The following DPP6 variants were observed in gnomAD, a reference collection of about 807,000 sequenced individuals.
The protein encoded by DPP6 is A-type potassium channel modulatory protein DPP6.
Under a neutral mutation model 122.6 loss-of-function variants are expected in DPP6, and 69 were observed. The ratio of observed to expected loss-of-function variants is 0.56; its 90% CI spans 0.46 to 0.69. The LOEUF (loss-of-function observed/expected upper bound fraction) is 0.69. DPP6 is among the 30% of genes least tolerant of loss of function. DPP6 has a pLI of 0.00. For synonymous variants in DPP6, 418 were observed against 433.1 expected (o/e 0.97, Z 0.43); for missense variants, 928 against 1,116.9 (o/e 0.83, Z 2.41).
intron 1 of DPP6, among the ~76,000 whole-genome samples, chr7:154,102,086 T>C (rs1200936005): frequency 2.6e-5 from 4 of 152,166 alleles, no homozygotes; most frequent in Non-Finnish European, 4.4e-5. Context: ...ACCTCAAAGA[T>C]GAAGCTATTC....
At chr7:153,998,668 T>C (rs527347995) in intron 1 of DPP6, among the ~76,000 whole-genome samples, 1 of 152,282 alleles carries the variant, frequency 6.6e-6, no homozygotes, top group African/African-American at 2.4e-5. Context: ...TTCTTCATGG[T>C]ATTTATAGTT....
chr7:153,983,949 A>G (rs1305063244), intron 1 of DPP6, among the ~76,000 whole-genome samples: 5 of 151,588 alleles, frequency 3.3e-5, no homozygotes, highest in Non-Finnish European at 7.4e-5. Flanking sequence ...CACCTTCTGC[A>G]TTGGTCTCGC....
rs1311691264 is a variant in DPP6 at position 154,863,086 on chromosome 7, GA to G, written c.1715-4908del. On this transcript the variant is annotated intron_variant, in intron 17 of 25. Transcript: ENST00000377770. The surrounding 1 kb of genome is among the most constrained non-coding windows in gnomAD (Gnocchi z 4.1). ...GCTAATTTTTACATTTTTCTTTGGA[GA>G]GATCAGGTCTCCCTATGTTGCCCAG... 6.6e-6 allele frequency among the ~76,000 whole-genome samples: 1 copy of G among 152,034 alleles called. No homozygotes were observed. Among genetic ancestry groups the G allele is most frequent in the Non-Finnish European group, 1.5e-5 (1 of 68,024 alleles).
At chr7:154,322,512 A>G (rs1165523270) in intron 1 of DPP6, among the ~76,000 whole-genome samples, 1 of 152,210 alleles carries the variant, frequency 6.6e-6, no homozygotes, top group Non-Finnish European at 1.5e-5. Flanking sequence ...CTCGTGCTTA[A>G]TAATTCACTT....
At chr7:154,188,577 G>A (rs558221219) in intron 1 of DPP6, among the ~76,000 whole-genome samples, 2 of 152,168 alleles carry the variant, frequency 1.3e-5, no homozygotes, top group African/African-American at 4.8e-5. Context: ...ATTCAAAACT[G>A]GAAGGAGGAC....
rs1189431600 is a variant in DPP6, at chr7:154,550,400, A to G, written c.552+9774A>G. 4.6e-5 allele frequency among the ~76,000 whole-genome samples: 7 copies of G among 152,218 alleles called. 1 individual carries two copies. Among genetic ancestry groups the G allele is most frequent in the Non-Finnish European group, 7.3e-5 (5 of 68,038 alleles). ...TCATTCTGGTTTTGGCTGGGCTTGT[A>G]GTTCTATAACCTTTGTGCCAAACCC... On this transcript the variant is annotated intron_variant, in intron 4 of 25. Transcript: ENST00000377770.
intron 1 of DPP6, among the ~76,000 whole-genome samples, chr7:154,063,968 C>T (rs192467645): frequency 0.012 from 1,869 of 151,850 alleles, 35 homozygotes; most frequent in African/African-American, 0.042. Flanking sequence ...ATGAGAAGAG[C>T]CCTAGAGCAA....
intron 16 of DPP6, among the ~76,000 whole-genome samples, chr7:154,824,481 G>T (rs190490812): frequency 2.0e-5 from 3 of 152,246 alleles, no homozygotes; most frequent in Admixed American, 1.3e-4. Context: ...GTTTCACCGT[G>T]TTGGCCAGGC....
intron 1 of DPP6, among the ~76,000 whole-genome samples, chr7:154,334,433 G>A (rs539092404): frequency 1.7e-3 from 257 of 152,286 alleles, no homozygotes; most frequent in Non-Finnish European, 2.5e-3. Flanking sequence ...CTGACTGCAG[G>A]GTTTGGAGGT....
At chr7:154,541,834 G>A (rs1183063334) in intron 4 of DPP6, among the ~76,000 whole-genome samples, 2 of 152,106 alleles carry the variant, frequency 1.3e-5, no homozygotes, top group Non-Finnish European at 2.9e-5. Flanking sequence ...AGGATCCTGA[G>A]CGAGACTTAG....
chr7:154,450,844 T>G (rs1179665611), intron 2 of DPP6, among the ~76,000 whole-genome samples: 2 of 152,232 alleles, frequency 1.3e-5, no homozygotes, highest in Non-Finnish European at 2.9e-5. Context: ...AAGTCAAGTT[T>G]TCCTCAGGGT....
At chr7:154,710,100 G>T (rs746869360) in intron 7 of DPP6, among the ~76,000 whole-genome samples, 8 of 152,212 alleles carry the variant, frequency 5.3e-5, no homozygotes, top group Non-Finnish European at 1.2e-4. Flanking sequence ...CACAGGAGCT[G>T]CCTTCTCCCC....
chr7:154,766,197 G>T (rs1032224966), intron 8 of DPP6, among the ~76,000 whole-genome samples: 1 of 152,116 alleles, frequency 6.6e-6, no homozygotes, highest in African/African-American at 2.4e-5. Flanking sequence ...CAGGTTCTTC[G>T]CATGTGCCAC....
the DPP6 span, among the ~76,000 whole-genome samples, chr7:153,833,031 C>T: frequency 1.1e-3 from 172 of 152,218 alleles, 3 homozygotes; most frequent in East Asian, 0.027. Context: ...TTTCCTTTGC[C>T]GTGTATGGAA....
chr7:154,791,957 G>C (rs570613445), intron 10 of DPP6, among the ~76,000 whole-genome samples: 1 of 152,214 alleles, frequency 6.6e-6, no homozygotes, highest in Non-Finnish European at 1.5e-5. Context: ...ACTAAGAATA[G>C]TGTGTAGTCA....
At chr7:154,612,581 G>C (rs140443131) in intron 5 of DPP6, among the ~76,000 whole-genome samples, 2 of 152,226 alleles carry the variant, frequency 1.3e-5, no homozygotes, top group East Asian at 3.9e-4. Context: ...TTCCAGTTTT[G>C]GGCTATTACA....
At chr7:154,002,756 C>T (rs1472777977) in intron 1 of DPP6, among the ~76,000 whole-genome samples, 6 of 152,136 alleles carry the variant, frequency 3.9e-5, no homozygotes, top group African/African-American at 1.4e-4. Flanking sequence ...TCTCAATTTG[C>T]CATCTCTGCT....
chr7:153,794,892 G>T, the DPP6 span, among the ~76,000 whole-genome samples: 1 of 151,916 alleles, frequency 6.6e-6, no homozygotes, highest in East Asian at 1.9e-4. Flanking sequence ...ATTTTCTCTC[G>T]CCGCCATCAT....
At chr7:154,675,074 T>G (rs1838801586) in intron 7 of DPP6, among the ~76,000 whole-genome samples, 1 of 152,194 alleles carries the variant, frequency 6.6e-6, no homozygotes, top group African/African-American at 2.4e-5. Flanking sequence ...CACAGAATAG[T>G]TTATCGGAGA....
Sources: allele counts gnomAD v4.1 joint callset (sites outside exome capture counted in the v4.1 genomes callset), GRCh38; gene constraint gnomAD v4.1.1; non-coding constraint Gnocchi (gnomAD v3.1); transcripts MANE v1.5; gene names NCBI Gene and HGNC (gene_info 2026-07-23, HGNC 2026-07-21).